The following ATRN variants were observed in gnomAD, a reference collection of about 807,000 sequenced individuals.
ATRN encodes attractin-2.
A neutral mutation model predicts 178.7 loss-of-function variants in ATRN; 54 were observed. The ratio of observed to expected loss-of-function variants is 0.30; its 90% CI spans 0.24 to 0.38. The LOEUF (loss-of-function observed/expected upper bound fraction) is 0.38, where lower values mean the gene tolerates loss of function less well. ATRN is among the 10% of genes least tolerant of loss of function. The pLI, the probability that ATRN is intolerant of heterozygous loss-of-function variation, is 1.00. For synonymous variants in ATRN, 636 were observed against 663.0 expected (o/e 0.96, Z 0.63); for missense variants, 1,443 against 1,815.1 (o/e 0.79, Z 3.73).
At chr20:3,533,454 G>A (rs1235965818) in intron 1 of ATRN, among the ~76,000 whole-genome samples, 1 of 152,132 alleles carries the variant, frequency 6.6e-6, no homozygotes, top group Non-Finnish European at 1.5e-5. Flanking sequence ...AGTAACTTCT[G>A]GCTAATCGAA....
chr20:3,646,584 T>G, intron 28 of ATRN, 139 bp from the exon 29 acceptor site: 1 of 1,235,202 alleles, frequency 8.1e-7, no homozygotes, highest in Non-Finnish European at 1.1e-6. Flanking sequence ...ATGTGTACCT[T>G]TTTGGGGGTT....
chr20:3,483,774 A>G (rs1304220912), intron 1 of ATRN, among the ~76,000 whole-genome samples: 1 of 152,138 alleles, frequency 6.6e-6, no homozygotes, highest in Non-Finnish European at 1.5e-5. Flanking sequence ...TTTCAGGTTG[A>G]CATGCAGTTG....
chr20:3,588,976 C>CTTTTATTTTTTTTTTTT (rs1375444238), intron 18 of ATRN, among the ~76,000 whole-genome samples: 1 of 57,652 alleles, frequency 1.7e-5, no homozygotes, highest in African/African-American at 5.6e-5. Flanking sequence ...GTAGTATTTT[C>CTTTTATTTTTTTTTTTT]TTTTGTTTTT....
intron 24 of ATRN, among the ~76,000 whole-genome samples, chr20:3,620,778 G>A (rs1256583262): frequency 1.3e-5 from 2 of 152,140 alleles, no homozygotes; most frequent in Non-Finnish European, 2.9e-5. Context: ...TTCTACAACA[G>A]TAATTTAAAA....
At chr20:3,509,556 G>A (rs984385957) in intron 1 of ATRN, among the ~76,000 whole-genome samples, 2 of 150,648 alleles carry the variant, frequency 1.3e-5, no homozygotes, top group African/African-American at 4.9e-5. Flanking sequence ...GGAGTGCAGT[G>A]GTGTGATCTC....
In ATRN at chr20:3,515,175, G is replaced by A. The variant is rs1386947516; in HGVS notation, c.411-20078G>A. 3.9e-5 allele frequency among the ~76,000 whole-genome samples: 6 copies of A among 152,114 alleles called. No individual in the cohort carries two copies. The East Asian group carries it at 1.2e-3, about 29-fold the overall frequency. On this transcript the variant is annotated intron_variant, in intron 1 of 28. Coordinates refer to ENST00000262919, the MANE Select transcript of ATRN (RefSeq NM_139321.3). ...CAAGAAAAGTAATAAAGTGATAAAT[G>A]TTAGAAAGGAAAAATAGAATTTTTT...
chr20:3,519,636 C>G (rs867289172), intron 1 of ATRN, among the ~76,000 whole-genome samples: 7 of 152,114 alleles, frequency 4.6e-5, no homozygotes, highest in Admixed American at 3.9e-4. Flanking sequence ...GTACAGTGTA[C>G]ACTGCTTGAA....
rs776972128 is a variant in ATRN, at chr20:3,560,790, G to A, written c.1332G>A (p.Val444=). ...CTAAGGCAAAGGAGCAGTATGCAGT[G>A]GTTGGGCACTCTGCACACATTGTTA... ...LTPKAKEQYA[V]VGHSAHIVTL... Residue 444 remains valine, a synonymous_variant, in exon 8 of 29, where the codon GTG becomes GTA. Transcript: ENST00000262919. The A allele has an allele frequency of 6.2e-7, 1 of 1,614,106 alleles. No homozygotes were observed.
chr20:3,549,059 T>C (rs1322315587), intron 5 of ATRN, 111 bp from the exon 6 acceptor site: 3 of 929,022 alleles, frequency 3.2e-6, no homozygotes, highest in African/African-American at 3.5e-5. Flanking sequence ...ATTTAAATGC[T>C]AAAGGAAAGA....
chr20:3,633,908 C>T (rs568527583), intron 25 of ATRN, among the ~76,000 whole-genome samples: 9 of 152,280 alleles, frequency 5.9e-5, no homozygotes, highest in Non-Finnish European at 1.2e-4. Context: ...TTGATTGTTA[C>T]TTTAATAATT....
At chr20:3,531,410 A>G (rs1323818572) in intron 1 of ATRN, among the ~76,000 whole-genome samples, 3 of 152,212 alleles carry the variant, frequency 2.0e-5, no homozygotes, top group Non-Finnish European at 4.4e-5. Context: ...CTACTCTTAG[A>G]CATAAAAGCC....
intron 1 of ATRN, among the ~76,000 whole-genome samples, chr20:3,505,166 G>T (rs189394715): frequency 3.3e-4 from 51 of 152,254 alleles, no homozygotes; most frequent in African/African-American, 1.2e-3. Flanking sequence ...TGCCTAATAT[G>T]GGTGGCCACC....
chr20:3,567,913 G>T (rs2086060226), intron 11 of ATRN, among the ~76,000 whole-genome samples: 1 of 152,170 alleles, frequency 6.6e-6, no homozygotes, highest in Non-Finnish European at 1.5e-5. Flanking sequence ...GGAAGAGGAG[G>T]TTGCTTATTT....
At chr20:3,602,988 A>C (rs2086631636) in intron 23 of ATRN, among the ~76,000 whole-genome samples, 1 of 139,380 alleles carries the variant, frequency 7.2e-6, no homozygotes, top group Non-Finnish European at 1.6e-5. Context: ...AAAAAAAAAA[A>C]AAAAAAAGAT....
chr20:3,471,356 C>CGCGGCG lies in ATRN; in HGVS notation c.263_268dup (p.Ala88_Ala89dup), dbSNP rs761060489. 4.3e-5 allele frequency: 64 copies of CGCGGCG among 1,482,112 alleles called. No homozygotes were observed. The highest frequency in any genetic ancestry group is 2.1e-4 in the Middle Eastern group (1 of 4,818). 91.8% of individuals were successfully genotyped at this position (1,482,112 alleles called of 1,614,324 possible). A position where few individuals can be genotyped will look rare whatever the true frequency, so the allele number is the denominator to read the frequency against. On this transcript the variant is annotated inframe_insertion, in exon 1 of 29. Transcript: ENST00000262919. ...TGCTGCTGCCCTGTGAGGCCGAGGCCGCGGCGGCGGCGGCGGCGGTGTCGG... is the reference window on the plus strand; with the variant it reads ...TGCTGCTGCCCTGTGAGGCCGAGGCCGCGGCGGCGGCGGCGGCGGCGGCGGTGTCGG...
At chr20:3,615,017 T>C (rs1160564670) in intron 24 of ATRN, among the ~76,000 whole-genome samples, 1 of 152,182 alleles carries the variant, frequency 6.6e-6, no homozygotes, top group East Asian at 1.9e-4. Flanking sequence ...TTTCTATCGA[T>C]GGATGCTTGG....
Position 3,547,657 on chromosome 20 carries a change from T to G in ATRN, c.943+168T>G, listed in dbSNP as rs981702313. Among the ~76,000 whole-genome samples the G allele has an allele frequency of 9.2e-5, 14 of 152,204 alleles. 1 individual carries two copies. The highest frequency in any genetic ancestry group is 1.5e-4 in the Non-Finnish European group (10 of 68,040). ...TATCTAGCTGCTTATGAATTTCGGT[T>G]TCATACATGTGTGGTCATGGTCTTT... On this transcript the variant is annotated intron_variant, in intron 5 of 28. Coordinates refer to ENST00000262919, the MANE Select transcript of ATRN (RefSeq NM_139321.3).
rs1300803515 is a variant in ATRN, at chr20:3,584,649, G to A, written c.2953G>A (p.Glu985Lys). 1 of 1,593,656 alleles carries A rather than the reference G, an allele frequency of 6.3e-7. No homozygotes were observed. Among genetic ancestry groups the A allele is most frequent in the Non-Finnish European group, 8.5e-7 (1 of 1,171,122 alleles). ...TTGCAACTTTTTTTTTTTAATAGCT[G>A]AAAATTGTTCAGGCTACTGTACCTG... The part of the protein sequence containing the change: ...EWYTMSTCPP[E>K]NCSGYCTCSH... The change falls in exon 18 of 29, where the codon GAA (glutamate) becomes AAA (lysine). Residue 985 changes from glutamate to lysine, a missense_variant and splice_region_variant. Physicochemically the swap from Glu to Lys is moderately conservative, Grantham distance 56. Around this residue, in one of 4 missense-constraint regions of ATRN, gnomAD observed 212 missense variants for 330.7 expected, o/e 0.64. Transcript: ENST00000262919.
rs116557397 is a variant in ATRN at position 3,550,273 on chromosome 20, C to G, written c.1112+935C>G. Reference sequence around the variant, plus strand: ...AACCTGGGAGACAGAGGTTGAAGATCAGATGGTTGTAGGTGTGAAGCCTTA... The same window carrying G: ...AACCTGGGAGACAGAGGTTGAAGATGAGATGGTTGTAGGTGTGAAGCCTTA... On this transcript the variant is annotated intron_variant, in intron 6 of 28. Transcript: ENST00000262919. Among the ~76,000 whole-genome samples, 1,485 of 152,258 alleles carry G rather than the reference C, an allele frequency of 9.8e-3. 29 individuals carry two copies. The highest frequency in any genetic ancestry group is 0.034 in the African/African-American group (1,423 of 41,546).
Sources: allele counts gnomAD v4.1 joint callset (sites outside exome capture counted in the v4.1 genomes callset), GRCh38; gene constraint gnomAD v4.1.1; regional missense constraint gnomAD v4.1.1; transcripts MANE v1.5; gene names NCBI Gene and HGNC (gene_info 2026-07-23, HGNC 2026-07-21).